The following GALNTL6 variants were observed in gnomAD, a reference collection of about 807,000 sequenced individuals.
GALNTL6 encodes the protein polypeptide N-acetylgalactosaminyltransferase-like 6.
GALNTL6 carries 46 observed loss-of-function variants against 73.7 expected under a neutral mutation model. The observed-to-expected ratio is 0.62, with a 90% CI of 0.49 to 0.80. The LOEUF is 0.80. Ranked by LOEUF, GALNTL6 falls within the 30% of genes least tolerant of loss-of-function variation. The pLI, the probability that GALNTL6 is intolerant of heterozygous loss-of-function variation, is 0.00. For missense variants in GALNTL6, 604 were observed against 755.0 expected, an observed-to-expected ratio of 0.80 and a Z score of 2.34; for synonymous variants, 259 against 263.7, an observed-to-expected ratio of 0.98 and a Z score of 0.17.
At chr4:171,941,060 G>A (rs1480322433) in intron 2 of GALNTL6, among the ~76,000 whole-genome samples, 1 of 151,936 alleles carries the variant, frequency 6.6e-6, no homozygotes, top group Non-Finnish European at 1.5e-5. Context: ...AGTCACTTCA[G>A]GATAAATTAG....
At chr4:172,784,635 T>G (rs1237954485) in intron 5 of GALNTL6, among the ~76,000 whole-genome samples, 1 of 152,122 alleles carries the variant, frequency 6.6e-6, no homozygotes, top group African/African-American at 2.4e-5. Context: ...AGAGCCACAT[T>G]AGGATGAATG....
intron 8 of GALNTL6, among the ~76,000 whole-genome samples, chr4:172,915,432 A>G (rs1254249384): frequency 5.9e-5 from 9 of 152,102 alleles, no homozygotes. Flanking sequence ...ACACAAAAAA[A>G]CCTTCAAAAA....
chr4:171,831,406 G>A (rs751458975), intron 2 of GALNTL6, among the ~76,000 whole-genome samples: 1 of 151,952 alleles, frequency 6.6e-6, no homozygotes, highest in Non-Finnish European at 1.5e-5. Flanking sequence ...ATTGTGTTTG[G>A]TGAAATGATT....
intron 10 of GALNTL6, among the ~76,000 whole-genome samples, chr4:172,961,903 C>T (rs534865541): frequency 5.3e-5 from 8 of 152,312 alleles, no homozygotes; most frequent in South Asian, 2.1e-4. Flanking sequence ...CCAAATTTCA[C>T]GCATGTCTGT....
At chr4:172,852,106 G>A (rs1233912166) in intron 7 of GALNTL6, among the ~76,000 whole-genome samples, 1 of 152,144 alleles carries the variant, frequency 6.6e-6, no homozygotes, top group Non-Finnish European at 1.5e-5. Flanking sequence ...CCCACTGGTT[G>A]GGGACTTGTC....
At chr4:172,875,768 CAA>C (rs1491181745) in intron 7 of GALNTL6, among the ~76,000 whole-genome samples, 6 of 148,896 alleles carry the variant, frequency 4.0e-5, no homozygotes, top group Non-Finnish European at 7.5e-5. Flanking sequence ...CACACACACA[CAA>C]ATAAGAACAA....
chr4:172,084,270 G>A (rs1245027086), intron 2 of GALNTL6, among the ~76,000 whole-genome samples: 2 of 152,124 alleles, frequency 1.3e-5, no homozygotes, highest in Non-Finnish European at 2.9e-5. Flanking sequence ...ATAAAATGGA[G>A]TATGAGAAAA....
At chr4:172,130,156 G>A (rs529662282) in intron 2 of GALNTL6, among the ~76,000 whole-genome samples, 172 of 147,796 alleles carry the variant, frequency 1.2e-3, no homozygotes, top group Admixed American at 1.8e-3. Context: ...TGGACAGGCA[G>A]TTGTTGGGTA....
At chr4:171,998,096 G>A (rs1329282369) in intron 2 of GALNTL6, among the ~76,000 whole-genome samples, 1 of 152,128 alleles carries the variant, frequency 6.6e-6, no homozygotes, top group Non-Finnish European at 1.5e-5. Flanking sequence ...TGTTTCACAT[G>A]TTGTATGTGG....
intron 2 of GALNTL6, among the ~76,000 whole-genome samples, chr4:171,945,788 T>G (rs1449300118): frequency 6.6e-6 from 1 of 152,170 alleles, no homozygotes; most frequent in African/African-American, 2.4e-5. Context: ...TCAGTCTGGC[T>G]TTTGATATCA....
At chr4:172,124,898 A>T (rs1259437768) in intron 2 of GALNTL6, among the ~76,000 whole-genome samples, 1 of 152,204 alleles carries the variant, frequency 6.6e-6, no homozygotes, top group Non-Finnish European at 1.5e-5. Flanking sequence ...TTACATGAAA[A>T]AAAAAATTAG....
chr4:171,946,414 TA>T (rs1738703260), intron 2 of GALNTL6, among the ~76,000 whole-genome samples: 2 of 152,306 alleles, frequency 1.3e-5, no homozygotes, highest in Admixed American at 1.3e-4. Flanking sequence ...TATTTTTTCT[TA>T]AGCAATTCCT....
intron 5 of GALNTL6, among the ~76,000 whole-genome samples, chr4:172,362,477 A>C (rs1742406201): frequency 6.6e-6 from 1 of 151,954 alleles, no homozygotes; most frequent in Non-Finnish European, 1.5e-5. Context: ...TGCTTTTCTC[A>C]TCGTTTCCTC....
At chr4:172,602,205 T>G (rs1412062235) in intron 5 of GALNTL6, among the ~76,000 whole-genome samples, 1 of 152,162 alleles carries the variant, frequency 6.6e-6, no homozygotes, top group Non-Finnish European at 1.5e-5. Context: ...GCAAGAAATT[T>G]TAATGGAAAT....
At chr4:172,439,165 C>A (rs1731740271) in intron 5 of GALNTL6, among the ~76,000 whole-genome samples, 2 of 100,048 alleles carry the variant, frequency 2.0e-5, no homozygotes. Flanking sequence ...CCATTTCTCT[C>A]TCCCCTTCAC....
intron 5 of GALNTL6, among the ~76,000 whole-genome samples, chr4:172,785,601 C>T (rs1025579066): frequency 1.3e-5 from 2 of 151,864 alleles, no homozygotes; most frequent in Non-Finnish European, 1.5e-5. Flanking sequence ...AGAATAATCA[C>T]AAATAAAAAC....
intron 2 of GALNTL6, among the ~76,000 whole-genome samples, chr4:172,007,638 T>G (rs760784443): frequency 6.6e-6 from 1 of 152,136 alleles, no homozygotes; most frequent in African/African-American, 2.4e-5. Context: ...TAAGATCATC[T>G]TTTTAGTTCT....
At chr4:172,719,582 G>T (rs1453028174) in intron 5 of GALNTL6, among the ~76,000 whole-genome samples, 1 of 152,100 alleles carries the variant, frequency 6.6e-6, no homozygotes, top group Non-Finnish European at 1.5e-5. Context: ...AATTAGAATA[G>T]CATACTTGAC....
At chr4:172,561,148 G>A (rs1218250575) in intron 5 of GALNTL6, among the ~76,000 whole-genome samples, 1 of 150,894 alleles carries the variant, frequency 6.6e-6, no homozygotes, top group Non-Finnish European at 1.5e-5. Flanking sequence ...AGCTACTCGG[G>A]AGGCTGAGGC....
Sources: gnomAD v4.1 joint callset for allele counts (sites outside exome capture counted in the v4.1 genomes callset) on GRCh38, gnomAD v4.1.1 for gene constraint, MANE v1.5 for transcripts, NCBI Gene and HGNC (gene_info 2026-07-23, HGNC 2026-07-21) for gene names.